The following GFPT2 variants were observed in gnomAD, a reference collection of about 807,000 sequenced individuals.
GFPT2 encodes glutamine--fructose-6-phosphate aminotransferase [isomerizing] 2.
Under a neutral mutation model 85.6 loss-of-function variants are expected in GFPT2, and 62 were observed. The ratio of observed to expected loss-of-function variants is 0.72; its 90% CI spans 0.59 to 0.90. The LOEUF (loss-of-function observed/expected upper bound fraction) is 0.90. Ranked by LOEUF, GFPT2 falls within the 40% of genes least tolerant of loss-of-function variation. The pLI is 0.00. For missense variants in GFPT2, 788 were observed against 893.4 expected, an observed-to-expected ratio of 0.88 and a Z score of 1.50; for synonymous variants, 368 against 344.5, an observed-to-expected ratio of 1.07 and a Z score of -0.75.
chr5:180,345,276 T>C (rs922782925), intron 1 of GFPT2, among the ~76,000 whole-genome samples: 21 of 152,390 alleles, frequency 1.4e-4, no homozygotes, highest in East Asian at 1.2e-3. Context: ...TGGTTGTGGC[T>C]TGGTCAAGAT....
chr5:180,335,525 G>A (rs779942492), intron 4 of GFPT2, among the ~76,000 whole-genome samples: 8 of 152,202 alleles, frequency 5.3e-5, no homozygotes, highest in Non-Finnish European at 7.3e-5. Context: ...AGTCCCTCAC[G>A]CGGCCTCATC....
rs191835301 is a variant in GFPT2 at position 180,331,012 on chromosome 5, C to T, written c.400-178G>A. On this transcript the variant is annotated intron_variant, in intron 5 of 18. Coordinates refer to ENST00000253778, the MANE Select transcript of GFPT2 (RefSeq NM_005110.4). ...CAGCCAAATACCTCTGAGTCACTCC[C>T]GGAGGCCCTGAGATCATCCCACCTC... is the stretch of plus-strand genomic sequence containing the variant. The T allele has an allele frequency of 7.8e-4, 468 of 601,764 alleles. 2 individuals are homozygous for T. The East Asian group carries it at 0.011, about 14-fold the overall frequency. The allele number at this position is 601,764 out of a possible 1,614,324, so 37.3% of individuals were successfully genotyped here. A position where few individuals can be genotyped will look rare whatever the true frequency, so the allele number is the denominator to read the frequency against.
intron 9 of GFPT2, among the ~76,000 whole-genome samples, chr5:180,321,945 G>A (rs1384898173): frequency 5.3e-5 from 8 of 151,904 alleles, no homozygotes; most frequent in East Asian, 1.9e-4. Flanking sequence ...CACCACGCCC[G>A]GCTGATTTTT....
At chr5:180,345,513 C>T (rs546766247) in intron 1 of GFPT2, among the ~76,000 whole-genome samples, 2 of 152,360 alleles carry the variant, frequency 1.3e-5, no homozygotes, top group Admixed American at 6.5e-5. Context: ...TTCGCAAAGG[C>T]GCCTCTGACC....
chr5:180,352,746 T>A (rs955813224), intron 1 of GFPT2: 1 of 381,178 alleles, frequency 2.6e-6, no homozygotes, highest in Admixed American at 3.1e-5. Flanking sequence ...CGGGGCGGGG[T>A]CGCCTCTCCT....
intron 1 of GFPT2, among the ~76,000 whole-genome samples, chr5:180,343,277 C>T (rs1023026554): frequency 2.0e-5 from 3 of 152,240 alleles, no homozygotes; most frequent in East Asian, 1.9e-4. Flanking sequence ...CTCCTGCACA[C>T]GTCAGGCGAG....
chr5:180,319,608 T>C (rs1038776600), intron 9 of GFPT2, among the ~76,000 whole-genome samples: 2 of 152,138 alleles, frequency 1.3e-5, no homozygotes, highest in African/African-American at 4.8e-5. Flanking sequence ...AACCAGAAGG[T>C]AAAAAGCTGG....
chr5:180,345,506 G>A (rs955525194), intron 1 of GFPT2, among the ~76,000 whole-genome samples: 4 of 152,274 alleles, frequency 2.6e-5, no homozygotes, highest in South Asian at 2.1e-4. Flanking sequence ...CTAGCTCTTC[G>A]CAAAGGCGCC....
At chr5:180,326,063 G>T (rs1433979371) in intron 7 of GFPT2, among the ~76,000 whole-genome samples, 1 of 152,040 alleles carries the variant, frequency 6.6e-6, no homozygotes, top group Admixed American at 6.6e-5. Context: ...AGGATCTCAT[G>T]ATTTAAATGA....
Position 180,304,989 on chromosome 5 carries a change from G to A in GFPT2, c.1675-50C>T, listed in dbSNP as rs752222791. 3.7e-6 allele frequency: 5 copies of A among 1,338,062 alleles called. No individual in the cohort carries two copies. In the South Asian group the frequency reaches 4.9e-5, roughly 13 times the overall value. 82.9% of individuals were successfully genotyped at this position (1,338,062 alleles called of 1,614,324 possible). On this transcript the variant is annotated intron_variant, in intron 16 of 18. Transcript: ENST00000253778. The stretch of plus-strand genomic sequence containing the variant: ...GTCACACTGGGCAGATGGGGCTGGA[G>A]CAGATCAGCCAGAGGGGAAGAAGGG...
intron 2 of GFPT2, among the ~76,000 whole-genome samples, chr5:180,337,707 A>T (rs991921564): frequency 6.6e-6 from 1 of 151,920 alleles, no homozygotes; most frequent in Non-Finnish European, 1.5e-5. Context: ...GCGCATACTT[A>T]ATGTCTACAA....
At chr5:180,346,323 A>G (rs1265276252) in intron 1 of GFPT2, among the ~76,000 whole-genome samples, 2 of 152,202 alleles carry the variant, frequency 1.3e-5, no homozygotes, top group East Asian at 3.8e-4. Flanking sequence ...GAAGAAAGGT[A>G]TAGCTCACAC....
At chr5:180,348,886 T>C (rs1322951035) in intron 1 of GFPT2, among the ~76,000 whole-genome samples, 1 of 151,608 alleles carries the variant, frequency 6.6e-6, no homozygotes, top group Non-Finnish European at 1.5e-5. Context: ...GGACTACAGG[T>C]GCGTGCCACC....
chr5:180,335,482 G>A (rs554864130), intron 4 of GFPT2, among the ~76,000 whole-genome samples: 14 of 152,322 alleles, frequency 9.2e-5, no homozygotes, highest in African/African-American at 3.1e-4. Flanking sequence ...CAGCATTTCC[G>A]TCACTTGGGG....
chr5:180,306,486 G>A (rs763873362), intron 16 of GFPT2, among the ~76,000 whole-genome samples: 37 of 152,248 alleles, frequency 2.4e-4, no homozygotes, highest in Non-Finnish European at 4.3e-4. Context: ...GACCCTGCAC[G>A]GCTCTCTGCC....
chr5:180,324,471 C>A (rs900782830), intron 8 of GFPT2, 166 bp from the exon 9 acceptor site: 1 of 595,334 alleles, frequency 1.7e-6, no homozygotes, highest in Non-Finnish European at 3.0e-6. Flanking sequence ...AGCACAGTAC[C>A]ACTGCAAAAG....
In GFPT2 at chr5:180,323,474, A is replaced by C. The variant is rs1764159602; in HGVS notation, c.794+714T>G. Among the ~76,000 whole-genome samples, 1 of 152,222 alleles carries C rather than the reference A, an allele frequency of 6.6e-6. No homozygotes were observed. The highest frequency in any genetic ancestry group is 2.1e-4 in the South Asian group (1 of 4,836). ...CCTTTGGGTCTTTGAAGAAGGTACCAGAGGTGATTACAGCAGTTTTCTACT... is the reference window on the plus strand; with the variant it reads ...CCTTTGGGTCTTTGAAGAAGGTACCCGAGGTGATTACAGCAGTTTTCTACT... On this transcript the variant is annotated intron_variant, in intron 9 of 18. Transcript: ENST00000253778. The surrounding 1 kb of genome is among the most constrained non-coding windows in gnomAD (Gnocchi z 4.0).
chr5:180,336,244 A>G (rs1416055916), intron 3 of GFPT2: 2 of 582,450 alleles, frequency 3.4e-6, no homozygotes, highest in Admixed American at 3.2e-5. Flanking sequence ...AATAATTAAA[A>G]TAACTACTGT....
chr5:180,308,748 C>T (rs1763822927), intron 15 of GFPT2, among the ~76,000 whole-genome samples: 1 of 152,206 alleles, frequency 6.6e-6, no homozygotes, highest in Non-Finnish European at 1.5e-5. Context: ...TTTACAAGTG[C>T]ATAACTCTGT....
Sources: gnomAD v4.1 joint callset for allele counts (sites outside exome capture counted in the v4.1 genomes callset) on GRCh38, gnomAD v4.1.1 for gene constraint, Gnocchi (gnomAD v3.1) non-coding constraint, MANE v1.5 for transcripts, NCBI Gene and HGNC (gene_info 2026-07-23, HGNC 2026-07-21) for gene names.